Variants in LRIG3 observed in about 807,000 individuals in gnomAD.
LRIG3 encodes leucine rich repeats and immunoglobulin like domains 3.
Under a neutral mutation model 114.5 loss-of-function variants are expected in LRIG3, and 76 were observed. That is an observed-to-expected ratio of 0.66 (90% confidence interval 0.55 to 0.80). LRIG3 has a LOEUF of 0.80. Among genes scored for constraint, LRIG3 ranks in the 30% least tolerant of loss-of-function variants. The probability of loss-of-function intolerance (pLI) is 0.00; values close to 1 mark genes in which losing one functional copy is unlikely to be tolerated. For synonymous variants in LRIG3, 512 were observed against 519.8 expected (o/e 0.98, Z 0.20); for missense variants, 1,239 against 1,382.8 (o/e 0.90, Z 1.65).
At chr12:58,889,113 T>A (rs1484149508) in intron 5 of LRIG3, 151 bp from the exon 6 acceptor site, 1 of 767,970 alleles carries the variant, frequency 1.3e-6, no homozygotes, top group Non-Finnish European at 2.0e-6. Context: ...GCAAAGAATT[T>A]CAATTTGTTA....
In LRIG3 at chr12:58,920,302, A is replaced by C; in HGVS notation, c.-67T>G. On this transcript the variant is annotated 5_prime_UTR_variant, in exon 1 of 19. Coordinates refer to ENST00000320743, the MANE Select transcript of LRIG3 (RefSeq NM_153377.5). ...GGCGCGCGCTCGGGGCCCGGCACAA[A>C]CTTCCAGCCGAGGGTGCACGCCCGC... 1.6e-6 allele frequency: 2 copies of C among 1,219,750 alleles called. No individual in the cohort carries two copies. Among genetic ancestry groups the C allele is most frequent in the Non-Finnish European group, 2.1e-6 (2 of 954,004 alleles). The allele number at this position is 1,219,750 out of a possible 1,614,324, so 75.6% of individuals were successfully genotyped here. A position where few individuals can be genotyped will look rare whatever the true frequency, so the allele number is the denominator to read the frequency against.
intron 10 of LRIG3, among the ~76,000 whole-genome samples, 172 bp downstream of exon 10, chr12:58,885,659 A>T (rs1871252785): frequency 6.6e-6 from 1 of 152,190 alleles, no homozygotes; most frequent in East Asian, 1.9e-4. Context: ...GTAGGTAGGT[A>T]AGTAGGTAGA....
intron 5 of LRIG3, 114 bp downstream of exon 5, chr12:58,889,882 G>A (rs1871394936): frequency 2.3e-6 from 3 of 1,294,656 alleles, no homozygotes; most frequent in Non-Finnish European, 3.2e-6. Context: ...TCAAAGGAAA[G>A]GCAGCTACAT....
At chr12:58,876,742 A>T in intron 15 of LRIG3, 139 bp from the exon 16 acceptor site, 1 of 817,180 alleles carries the variant, frequency 1.2e-6, no homozygotes, top group Non-Finnish European at 1.9e-6. Flanking sequence ...AACCATCTCG[A>T]TTGTACAGTA....
At chr12:58,907,574 C>T (rs139798951) in intron 3 of LRIG3, among the ~76,000 whole-genome samples, 4 of 152,210 alleles carry the variant, frequency 2.6e-5, no homozygotes, top group Non-Finnish European at 2.9e-5. Context: ...CAGCTGCTGG[C>T]GCTCACATTT....
intron 8 of LRIG3, 110 bp from the exon 9 acceptor site, chr12:58,887,000 C>T: frequency 1.5e-6 from 1 of 667,520 alleles, no homozygotes; most frequent in Admixed American, 2.9e-5. Flanking sequence ...CCCACATTAT[C>T]TCCACCTCTC....
chr12:58,872,453 A>C lies in LRIG3; in HGVS notation c.*119T>G, dbSNP rs1870766755. 8.3e-7 allele frequency: 1 copy of C among 1,199,538 alleles called. No homozygotes were observed. Among genetic ancestry groups the C allele is most frequent in the Non-Finnish European group, 1.1e-6 (1 of 910,106 alleles). The allele number at this position is 1,199,538 out of a possible 1,614,324, so 74.3% of individuals were successfully genotyped here. A position where few individuals can be genotyped will look rare whatever the true frequency, so the allele number is the denominator to read the frequency against. On this transcript the variant is annotated 3_prime_UTR_variant, in exon 19 of 19. Coordinates refer to ENST00000320743, the MANE Select transcript of LRIG3 (RefSeq NM_153377.5). ...GTAATTTTGGTTCATCTGTATAAAT[A>C]AAGCATTTTTATCCTTTTAAAATTC...
intron 1 of LRIG3, chr12:58,919,553 G>C: frequency 6.5e-7 from 1 of 1,549,028 alleles, no homozygotes; most frequent in Non-Finnish European, 8.7e-7. Flanking sequence ...TTACTGGGTG[G>C]GAACAGGAAA....
At chr12:58,895,339 G>T (rs1871602046) in intron 3 of LRIG3, among the ~76,000 whole-genome samples, 1 of 152,112 alleles carries the variant, frequency 6.6e-6, no homozygotes, top group African/African-American at 2.4e-5. Flanking sequence ...GAATGTTGGA[G>T]GTCAGCAAAA....
intron 14 of LRIG3, among the ~76,000 whole-genome samples, chr12:58,878,560 G>C (rs1011390039): frequency 4.6e-5 from 7 of 152,134 alleles, no homozygotes; most frequent in Non-Finnish European, 1.0e-4. Flanking sequence ...CCCCATAAAA[G>C]GGAAAGCATC....
intron 3 of LRIG3, among the ~76,000 whole-genome samples, chr12:58,907,275 T>A (rs935028941): frequency 6.6e-6 from 1 of 152,240 alleles, no homozygotes; most frequent in African/African-American, 2.4e-5. Flanking sequence ...TTGCTGGGCA[T>A]TCTGAAGAGC....
chr12:58,875,131 AT>A (rs1870872708), intron 16 of LRIG3, among the ~76,000 whole-genome samples: 1 of 152,218 alleles, frequency 6.6e-6, no homozygotes. Context: ...AGAAAAGCAA[AT>A]ATGCAGAACG....
At chr12:58,891,639 T>C (rs1017887033) in intron 3 of LRIG3, among the ~76,000 whole-genome samples, 1 of 152,140 alleles carries the variant, frequency 6.6e-6, no homozygotes, top group Non-Finnish European at 1.5e-5. Context: ...TCCCCTTTTC[T>C]TTAAGAAATA....
intron 4 of LRIG3, among the ~76,000 whole-genome samples, 168 bp downstream of exon 4, chr12:58,890,497 A>G (rs538648391): frequency 6.6e-6 from 1 of 152,316 alleles, no homozygotes; most frequent in African/African-American, 2.4e-5. Context: ...TAAAAGTGTA[A>G]GAATAAACTG....
chr12:58,915,751 T>C (rs1051961715), intron 1 of LRIG3, among the ~76,000 whole-genome samples: 1 of 152,210 alleles, frequency 6.6e-6, no homozygotes, highest in Non-Finnish European at 1.5e-5. Context: ...CACTTTCCCT[T>C]GCAGCCCAGC....
At chr12:58,915,147 T>C (rs1872430535) in intron 1 of LRIG3, among the ~76,000 whole-genome samples, 1 of 152,234 alleles carries the variant, frequency 6.6e-6, no homozygotes, top group African/African-American at 2.4e-5. Flanking sequence ...ATTCAAAATA[T>C]GGAACAAATT....
intron 3 of LRIG3, among the ~76,000 whole-genome samples, chr12:58,903,408 A>T (rs927389937): frequency 3.6e-4 from 55 of 151,908 alleles, no homozygotes; most frequent in South Asian, 1.9e-3. Context: ...CCACTTTTTG[A>T]TGGGGTTGTT....
At chr12:58,879,167 C>T in intron 13 of LRIG3, 62 bp from the exon 14 acceptor site, 1 of 1,486,776 alleles carries the variant, frequency 6.7e-7, no homozygotes, top group Admixed American at 2.2e-5. Flanking sequence ...CACTTGCATT[C>T]CTTTTTATTA....
At chr12:58,919,895 T>C in intron 1 of LRIG3, 105 bp downstream of exon 1, 2 of 1,169,760 alleles carry the variant, frequency 1.7e-6, no homozygotes, top group Non-Finnish European at 2.5e-6. Context: ...GAAGGAGCTA[T>C]ACGGCAAAAA....
Sources: gnomAD v4.1 joint callset for allele counts (sites outside exome capture counted in the v4.1 genomes callset) on GRCh38, gnomAD v4.1.1 for gene constraint, MANE v1.5 for transcripts, NCBI Gene and HGNC (gene_info 2026-07-23, HGNC 2026-07-21) for gene names.